Variants in INPP4B observed in about 807,000 individuals in gnomAD.
The protein encoded by INPP4B is inositol polyphosphate-4-phosphatase type II B.
Under a neutral mutation model 122.5 loss-of-function variants are expected in INPP4B, and 55 were observed. The ratio of observed to expected loss-of-function variants is 0.45; its 90% CI spans 0.36 to 0.56. The LOEUF is 0.56. INPP4B is among the 20% of genes least tolerant of loss of function. INPP4B has a pLI of 0.00. For missense variants in INPP4B, 1,000 were observed against 1,097.7 expected, an observed-to-expected ratio of 0.91 and a Z score of 1.26; for synonymous variants, 403 against 388.7, an observed-to-expected ratio of 1.04 and a Z score of -0.43.
At chr4:142,543,750 A>G (rs764136293) in intron 2 of INPP4B, among the ~76,000 whole-genome samples, 1 of 152,160 alleles carries the variant, frequency 6.6e-6, no homozygotes, top group Non-Finnish European at 1.5e-5. Flanking sequence ...AACAGAATAT[A>G]TATTGTATAT....
chr4:142,070,865 T>C (rs1406661271), intron 25 of INPP4B, among the ~76,000 whole-genome samples: 1 of 152,176 alleles, frequency 6.6e-6, no homozygotes. Context: ...GAACATTCCA[T>C]GCTCATGGAT....
At chr4:142,287,024 T>C (rs550018137) in intron 9 of INPP4B, 4 of 152,230 alleles carry the variant, frequency 2.6e-5, no homozygotes, top group Non-Finnish European at 4.4e-5. Flanking sequence ...ATTTCTTTCT[T>C]AGGCTTCTTC....
chr4:142,746,049 C>T (rs1010328625), intron 1 of INPP4B, among the ~76,000 whole-genome samples: 1 of 151,928 alleles, frequency 6.6e-6, no homozygotes, highest in South Asian at 2.1e-4. Flanking sequence ...TTCTTTATTT[C>T]TTTATTAAGA....
intron 25 of INPP4B, among the ~76,000 whole-genome samples, chr4:142,068,507 A>G (rs1313324212): frequency 2.0e-5 from 3 of 152,208 alleles, no homozygotes; most frequent in Non-Finnish European, 4.4e-5. Flanking sequence ...TAAATGGGCT[A>G]AATGCTCCAA....
intron 25 of INPP4B, among the ~76,000 whole-genome samples, chr4:142,066,122 T>C (rs891592749): frequency 6.6e-6 from 1 of 152,200 alleles, no homozygotes; most frequent in African/African-American, 2.4e-5. Context: ...CCCCAAATAA[T>C]GCCCCATGAT....
At chr4:142,403,080 T>G (rs376191515) in intron 6 of INPP4B, 26 bp from the exon 7 acceptor site, 7 of 1,291,570 alleles carry the variant, frequency 5.4e-6, no homozygotes, top group African/African-American at 1.5e-5. Flanking sequence ...CAGACAACTT[T>G]GATTCAATAA....
At chr4:142,540,915 AT>A (rs879464423) in intron 2 of INPP4B, among the ~76,000 whole-genome samples, 1 of 152,172 alleles carries the variant, frequency 6.6e-6, no homozygotes, top group Non-Finnish European at 1.5e-5. Context: ...AAACAAATAT[AT>A]TTTTATTGTG....
At chr4:142,694,736 T>G (rs1306314551) in intron 2 of INPP4B, among the ~76,000 whole-genome samples, 1 of 152,160 alleles carries the variant, frequency 6.6e-6, no homozygotes, top group African/African-American at 2.4e-5. Context: ...GATACATAAT[T>G]AAAATTGCAC....
intron 13 of INPP4B, 40 bp from the exon 14 acceptor site, chr4:142,208,569 G>A (rs2149522230): frequency 2.7e-6 from 3 of 1,106,594 alleles, no homozygotes; most frequent in Non-Finnish European, 4.0e-6. Context: ...AGTAAATAAT[G>A]ATAAATTAAT....
chr4:142,632,203 C>T (rs757499703), intron 2 of INPP4B, among the ~76,000 whole-genome samples: 1 of 152,026 alleles, frequency 6.6e-6, no homozygotes, highest in Non-Finnish European at 1.5e-5. Flanking sequence ...GACTAGCATC[C>T]GACATGGGGT....
chr4:142,214,367 C>T (rs191940639), intron 12 of INPP4B, among the ~76,000 whole-genome samples: 1 of 152,112 alleles, frequency 6.6e-6, no homozygotes. Context: ...CCTTGGTAAC[C>T]CCAGGATTTG....
chr4:142,568,811 G>T (rs1267575293), intron 2 of INPP4B, among the ~76,000 whole-genome samples: 1 of 152,048 alleles, frequency 6.6e-6, no homozygotes, highest in East Asian at 1.9e-4. Context: ...GTTGGAAAAA[G>T]TATCAAATAG....
At chr4:142,623,425 T>A (rs185276996) in intron 2 of INPP4B, among the ~76,000 whole-genome samples, 1 of 151,860 alleles carries the variant, frequency 6.6e-6, no homozygotes, top group African/African-American at 2.4e-5. Flanking sequence ...TTTGGCAATA[T>A]CTTCATACCT....
At chr4:142,760,475 T>C (rs1411858513) in intron 1 of INPP4B, among the ~76,000 whole-genome samples, 1 of 152,152 alleles carries the variant, frequency 6.6e-6, no homozygotes, top group Non-Finnish European at 1.5e-5. Context: ...TTGAAGCTAG[T>C]GGCAACACAT....
intron 11 of INPP4B, among the ~76,000 whole-genome samples, chr4:142,259,756 C>T (rs922385328): frequency 6.6e-6 from 1 of 151,748 alleles, no homozygotes; most frequent in Non-Finnish European, 1.5e-5. Context: ...TATTCTATAA[C>T]TTTTTCTTAT....
chr4:142,829,645 A>G (rs1781869569), intron 1 of INPP4B, among the ~76,000 whole-genome samples: 1 of 152,222 alleles, frequency 6.6e-6, no homozygotes, highest in South Asian at 2.1e-4. Flanking sequence ...TCGTAACAAT[A>G]GAAGCCAGAA....
chr4:142,263,679 T>TATATATATATAA, intron 10 of INPP4B, among the ~76,000 whole-genome samples: 1 of 122,846 alleles, frequency 8.1e-6, no homozygotes, highest in Non-Finnish European at 1.7e-5. Flanking sequence ...TATATATATA[T>TATATATATATAA]AACATTGAAC....
intron 7 of INPP4B, among the ~76,000 whole-genome samples, chr4:142,381,544 T>C (rs1794082562): frequency 6.6e-6 from 1 of 152,138 alleles, no homozygotes; most frequent in South Asian, 2.1e-4. Flanking sequence ...ACATATAAAA[T>C]GTTTAGATTA....
At chr4:142,358,715 C>T (rs895582532) in intron 7 of INPP4B, among the ~76,000 whole-genome samples, 3 of 150,514 alleles carry the variant, frequency 2.0e-5, no homozygotes, top group Non-Finnish European at 4.4e-5. Flanking sequence ...AGAGCCATGT[C>T]GAGCAGTATC....
Sources: allele counts gnomAD v4.1 joint callset (sites outside exome capture counted in the v4.1 genomes callset), GRCh38; gene constraint gnomAD v4.1.1; transcripts MANE v1.5; gene names NCBI Gene and HGNC (gene_info 2026-07-23, HGNC 2026-07-21).